TYK2: variants seen among roughly 807,000 people sequenced by gnomAD.
The protein encoded by TYK2 is tyrosine kinase 2, also known as non-receptor tyrosine-protein kinase TYK2.
In TYK2, 65 loss-of-function variants were observed where a neutral mutation model predicts 130.9. That is an observed-to-expected ratio of 0.50 (90% CI 0.41 to 0.61). The LOEUF (loss-of-function observed/expected upper bound fraction) is 0.61. TYK2 is among the 20% of genes least tolerant of loss of function. The pLI is 0.00. For missense variants in TYK2, 1,378 were observed against 1,610.7 expected, an observed-to-expected ratio of 0.86 and a Z score of 2.47; for synonymous variants, 647 against 658.9, an observed-to-expected ratio of 0.98 and a Z score of 0.28.
chr19:10,366,038 T>G, intron 6 of TYK2, 140 bp from the exon 7 acceptor site: 1 of 991,284 alleles, frequency 1.0e-6, no homozygotes, highest in Non-Finnish European at 1.4e-6. Flanking sequence ...TGTGGTGACT[T>G]GAGCCTGTAG....
At chr19:10,360,495 C>T (rs2041346175) in intron 14 of TYK2, among the ~76,000 whole-genome samples, 1 of 151,796 alleles carries the variant, frequency 6.6e-6, no homozygotes. Context: ...AGACCCTAGT[C>T]TCACAAAAAA....
chr19:10,364,753 G>A lies in TYK2; in HGVS notation c.1228C>T (p.Arg410Trp), dbSNP rs780993314. 20 of 1,613,910 alleles carry A rather than the reference G, an allele frequency of 1.2e-5. No individual in the cohort carries two copies. The highest frequency in any genetic ancestry group is 1.6e-4 in the Middle Eastern group (1 of 6,062). The change falls in exon 9 of 25, where the codon CGG becomes TGG. Residue 410 changes from arginine (R) to tryptophan (W), a missense_variant. Physicochemically the swap from Arg to Trp is moderately radical, Grantham distance 101 (BLOSUM62 -3). Coordinates refer to ENST00000525621, the MANE Select transcript of TYK2 (RefSeq NM_003331.5). This position sits in a 1 kb window ranked among gnomAD's most constrained non-coding sequence, Gnocchi z 4.9. ...NKCLELSLPS[R>W]AAALSFVSLV... ...GACACGAAGGACAGCGCCGCAGCCC[G>A]GGAAGGCAAGCTCAGCTCCTGCCAG...
Position 10,353,930 on chromosome 19 carries a change from C to T in TYK2, c.2908+112G>A. On this transcript the variant is annotated intron_variant, in intron 20 of 24. Coordinates refer to ENST00000525621, the MANE Select transcript of TYK2 (RefSeq NM_003331.5). This position sits in a 1 kb window ranked among gnomAD's most constrained non-coding sequence, Gnocchi z 6.9. ...GATGCCAAGAACCGCGTACTGCAGC[C>T]TGGGGTTGAGAGTCTCTAATTGGCT... 1 of 1,181,120 alleles carries T rather than the reference C, an allele frequency of 8.5e-7. No homozygotes were observed. Among genetic ancestry groups the T allele is most frequent in the Non-Finnish European group, 1.2e-6 (1 of 810,400 alleles). 73.2% of individuals were successfully genotyped at this position (1,181,120 alleles called of 1,614,324 possible).
chr19:10,377,117 C>A (rs1328533550), intron 3 of TYK2, among the ~76,000 whole-genome samples: 1 of 152,124 alleles, frequency 6.6e-6, no homozygotes, highest in African/African-American at 2.4e-5. Flanking sequence ...GTTGCCCAGG[C>A]TGGTCTCCAA....
intron 17 of TYK2, chr19:10,357,433 G>A (rs1206957585): frequency 1.5e-6 from 1 of 688,444 alleles, no homozygotes; most frequent in Admixed American, 2.1e-5. Flanking sequence ...GGGAAGCCTT[G>A]TCTGACCCCA....
At chr19:10,377,324 G>GTGGGTGGA (rs2042154648) in intron 3 of TYK2, among the ~76,000 whole-genome samples, 2 of 135,488 alleles carry the variant, frequency 1.5e-5, no homozygotes, top group Admixed American at 7.4e-5. Context: ...GAATGAACGG[G>GTGGGTGGA]TGGATGGATG....
chr19:10,358,987 CG>C (rs1228102732), intron 15 of TYK2, among the ~76,000 whole-genome samples, 187 bp downstream of exon 15: 3 of 152,100 alleles, frequency 2.0e-5, no homozygotes, highest in Non-Finnish European at 2.9e-5. Flanking sequence ...CATTTGAACC[CG>C]GGAGGCGAAG....
intron 15 of TYK2, among the ~76,000 whole-genome samples, chr19:10,358,923 C>A (rs892872058): frequency 2.0e-5 from 3 of 152,102 alleles, no homozygotes; most frequent in Non-Finnish European, 4.4e-5. Flanking sequence ...ATTAGCTGGG[C>A]GTGATGGCAG....
Position 10,361,402 on chromosome 19 carries a change from A to G in TYK2, c.2047+109T>C. ...ATCAGAGTACAGGTGAGAGTTGAGA[A>G]ATAGGCATAGGTTGGGGTGTAGGTC... On this transcript the variant is annotated intron_variant, in intron 14 of 24. Transcript: ENST00000525621. This position sits in a 1 kb window ranked among gnomAD's most constrained non-coding sequence, Gnocchi z 4.0. 9.2e-7 allele frequency: 1 copy of G among 1,087,584 alleles called. No homozygotes were observed. Among genetic ancestry groups the G allele is most frequent in the Non-Finnish European group, 1.4e-6 (1 of 738,390 alleles). 67.4% of individuals were successfully genotyped at this position (1,087,584 alleles called of 1,614,324 possible).
Position 10,368,080 on chromosome 19 carries a change from G to A in TYK2, c.440C>T (p.Ala147Val), listed in dbSNP as rs150331673. The change falls in exon 5 of 25, where the codon GCC becomes GTC. Residue 147 changes from alanine to valine, a missense_variant. By Grantham distance (64) the Ala-to-Val change is moderately conservative. Transcript: ENST00000525621. ...CTGCTCAAAGAGGTACTCAAATGAG[G>A]CTGGGTCCAGGAGTTGCATCCCCTG... is the stretch of plus-strand genomic sequence containing the variant. ...TAQGMQLLDPASFEYLFEQGK... is the reference protein window; with the variant it reads ...TAQGMQLLDPVSFEYLFEQGK... The A allele has an allele frequency of 6.2e-7, 1 of 1,614,160 alleles. No individual in the cohort carries two copies. Among genetic ancestry groups the A allele is most frequent in the Admixed American group, 1.7e-5 (1 of 60,000 alleles).
rs2040862596 is a variant in TYK2, at chr19:10,352,516, T to C, written c.3236A>G (p.Tyr1079Cys). 6.3e-7 allele frequency: 1 copy of C among 1,592,428 alleles called. No homozygotes were observed. The highest frequency in any genetic ancestry group is 8.6e-7 in the Non-Finnish European group (1 of 1,167,542). The change falls in exon 23 of 25, where the codon TAC becomes TGC. Residue 1079 changes from tyrosine to cysteine, a missense_variant. By Grantham distance (194) the Tyr-to-Cys change is radical. Transcript: ENST00000525621. ...APECLKEYKF[Y>C]YASDVWSFGV... Reference sequence around the variant, plus strand: ...GAAGGACCAGACATCTGACGCATAGTAGAACTTATACTCCTTCAGGCACTC... The same window carrying C: ...GAAGGACCAGACATCTGACGCATAGCAGAACTTATACTCCTTCAGGCACTC...
At chr19:10,371,638 A>C (rs1310471109) in intron 3 of TYK2, among the ~76,000 whole-genome samples, 1 of 149,660 alleles carries the variant, frequency 6.7e-6, no homozygotes, top group African/African-American at 2.4e-5. Flanking sequence ...CTCTGTCTCA[A>C]AAAAAAAAAA....
rs368801193 is a variant in TYK2 at position 10,378,397 on chromosome 19, G to A, written c.10C>T (p.Arg4Cys). The A allele has an allele frequency of 7.8e-5, 126 of 1,610,178 alleles. 1 individual carries two copies. The South Asian group carries it at 1.0e-3, about 13-fold the overall frequency. The change falls in exon 3 of 25, where the codon CGC becomes TGC. Residue 4 changes from arginine (R) to cysteine (C), a missense_variant. Coordinates refer to ENST00000525621, the MANE Select transcript of TYK2 (RefSeq NM_003331.5). Reference protein sequence around the residue: MPLRHWGMARGSKP... With the variant: MPLCHWGMARGSKP... ...CTGCCCCTGGCCATCCCCCAGTGGC[G>A]CAGAGGCATGCTCCCGGCAGGTGGC...
In TYK2 at chr19:10,354,024, T is replaced by C; in HGVS notation, c.2908+18A>G. ...CCACGCCCCCTCAAGTCTCTAGGAC[T>C]CGCCGGGTCCCGCCCACCTTGGTCC... On this transcript the variant is annotated intron_variant, in intron 20 of 24. Coordinates refer to ENST00000525621, the MANE Select transcript of TYK2 (RefSeq NM_003331.5). 1.9e-6 allele frequency: 3 copies of C among 1,613,264 alleles called. No individual in the cohort carries two copies. Among genetic ancestry groups the C allele is most frequent in the Middle Eastern group, 1.7e-4 (1 of 6,044 alleles).
chr19:10,363,389 A>G (rs2041504289), intron 9 of TYK2, among the ~76,000 whole-genome samples: 1 of 151,982 alleles, frequency 6.6e-6, no homozygotes. Flanking sequence ...TACATTGCCC[A>G]GGCTGCTCTT....
At chr19:10,379,260 T>TG (rs2042284500) in intron 2 of TYK2, among the ~76,000 whole-genome samples, 1 of 151,926 alleles carries the variant, frequency 6.6e-6, no homozygotes, top group Non-Finnish European at 1.5e-5. Context: ...GCCCAGGAGT[T>TG]GGAGGCTGCA....
chr19:10,355,453 AAC>A (rs920961108), intron 18 of TYK2, among the ~76,000 whole-genome samples: 1 of 151,834 alleles, frequency 6.6e-6, no homozygotes, highest in African/African-American at 2.4e-5. Flanking sequence ...CAGCCTAGCC[AAC>A]ACAGTGAAAC....
At chr19:10,376,483 T>A (rs2042125034) in intron 3 of TYK2, among the ~76,000 whole-genome samples, 1 of 130,126 alleles carries the variant, frequency 7.7e-6, no homozygotes, top group Non-Finnish European at 1.6e-5. Context: ...ACATTTTGTA[T>A]TTTTAGTAGA....
Position 10,353,079 on chromosome 19 carries a change from G to T in TYK2, c.3047C>A (p.Ala1016Glu). Residue 1016 changes from alanine to glutamate, a missense_variant, in exon 22 of 25, where the codon GCG becomes GAG. By Grantham distance (107) the Ala-to-Glu change is moderately radical. Coordinates refer to ENST00000525621, the MANE Select transcript of TYK2 (RefSeq NM_003331.5). The surrounding 1 kb of genome is among the most constrained non-coding windows in gnomAD (Gnocchi z 6.9). ...TAGGTCTCGGTGGATGTAGTGCTGC[G>T]CGTGCAGATAGGCCATGCCCTGGGG... The part of the protein sequence containing the change: ...QICEGMAYLH[A>E]QHYIHRDLAA... 1 of 1,550,754 alleles carries T rather than the reference G, an allele frequency of 6.4e-7. No individual in the cohort carries two copies. The highest frequency in any genetic ancestry group is 8.7e-7 in the Non-Finnish European group (1 of 1,145,108).
Sources: gnomAD v4.1 joint callset for allele counts (sites outside exome capture counted in the v4.1 genomes callset) on GRCh38, gnomAD v4.1.1 for gene constraint, Gnocchi (gnomAD v3.1) non-coding constraint, MANE v1.5 for transcripts, NCBI Gene and HGNC (gene_info 2026-07-23, HGNC 2026-07-21) for gene names.